The following DNAI3 variants were observed in gnomAD, a reference collection of about 807,000 sequenced individuals.
DNAI3 encodes WD repeat domain 63.
A neutral mutation model predicts 115.5 loss-of-function variants in DNAI3; 83 were observed. The observed-to-expected ratio is 0.72, with a 90% CI of 0.60 to 0.86. The LOEUF is 0.86. DNAI3 is among the 40% of genes least tolerant of loss of function. The probability of loss-of-function intolerance (pLI) is 0.00; values close to 1 mark genes in which losing one functional copy is unlikely to be tolerated. For missense variants in DNAI3, 1,004 were observed against 1,075.8 expected, an observed-to-expected ratio of 0.93 and a Z score of 0.93; for synonymous variants, 320 against 347.0, an observed-to-expected ratio of 0.92 and a Z score of 0.86.
Position 85,126,636 on chromosome 1 carries a change from G to A in DNAI3, c.2238G>A (p.Leu746=). The change falls in exon 20 of 23, where the codon CTG becomes CTA. Residue 746 remains leucine (L), a synonymous_variant. Coordinates refer to ENST00000294664, the MANE Select transcript of DNAI3 (RefSeq NM_145172.5). ...EDGYIDIWDL[L]EKTHEPAQSQ... is the part of the protein sequence containing the mutation. Reference sequence around the variant, plus strand: ...GATACATTGATATCTGGGACCTTCTGGAGAAAACCCATGAACCAGCCCAGT... The same window carrying A: ...GATACATTGATATCTGGGACCTTCTAGAGAAAACCCATGAACCAGCCCAGT... 1.9e-6 allele frequency: 3 copies of A among 1,614,022 alleles called. No individual in the cohort carries two copies. Among genetic ancestry groups the A allele is most frequent in the African/African-American group, 1.3e-5 (1 of 75,000 alleles).
At chr1:85,068,699 A>G (rs1654172600) in intron 1 of DNAI3, among the ~76,000 whole-genome samples, 1 of 152,160 alleles carries the variant, frequency 6.6e-6, no homozygotes, top group Non-Finnish European at 1.5e-5. Flanking sequence ...CTTGTGGTAT[A>G]TTATATAGCT....
Position 85,126,602 on chromosome 1 carries a change from G to T in DNAI3, c.2204G>T (p.Arg735Leu), listed in dbSNP as rs1656148690. ...CGGCCCGGAGTTTTCTACATCGGCCGAGAAGATGGATACATTGATATCTGG... is the reference window on the plus strand; with the variant it reads ...CGGCCCGGAGTTTTCTACATCGGCCTAGAAGATGGATACATTGATATCTGG... ...LTRPGVFYIG[R>L]EDGYIDIWDL... The change falls in exon 20 of 23, where the codon CGA becomes CTA. Residue 735 changes from arginine to leucine, a missense_variant. Around this residue, in one of 3 missense-constraint regions of DNAI3, gnomAD observed 429 missense variants for 454.3 expected, o/e 0.94. Transcript: ENST00000294664. 6.2e-7 allele frequency: 1 copy of T among 1,614,116 alleles called. No individual in the cohort carries two copies.
At chr1:85,068,652 A>G (rs941086879) in intron 1 of DNAI3, among the ~76,000 whole-genome samples, 1 of 152,168 alleles carries the variant, frequency 6.6e-6, no homozygotes, top group African/African-American at 2.4e-5. Context: ...CCTCATTCAG[A>G]GTGAAAGCCA....
chr1:85,096,202 T>C (rs1655118639), intron 11 of DNAI3, among the ~76,000 whole-genome samples, 182 bp downstream of exon 11: 1 of 152,182 alleles, frequency 6.6e-6, no homozygotes, highest in Admixed American at 6.5e-5. Context: ...TATCAGCTCC[T>C]GAGGTGTTCA....
intron 19 of DNAI3, among the ~76,000 whole-genome samples, chr1:85,125,400 C>T (rs1054189473): frequency 9.2e-5 from 14 of 151,946 alleles, no homozygotes; most frequent in Non-Finnish European, 2.1e-4. Context: ...TTTAACCTAA[C>T]AGTTCCACTT....
At chr1:85,099,253 A>C in intron 13 of DNAI3, 2 of 985,422 alleles carry the variant, frequency 2.0e-6, no homozygotes, top group South Asian at 9.4e-5. Flanking sequence ...AGGGCATTAA[A>C]GATCTACTAT....
chr1:85,063,036 G>A (rs1035564365), intron 1 of DNAI3, among the ~76,000 whole-genome samples: 1 of 152,196 alleles, frequency 6.6e-6, no homozygotes, highest in Non-Finnish European at 1.5e-5. Context: ...AGTTTACCCA[G>A]TACCTAATTG....
rs188647274 is a variant in DNAI3 at position 85,074,376 on chromosome 1, T to G, written c.103+1284T>G. 2.0e-5 allele frequency among the ~76,000 whole-genome samples: 3 copies of G among 152,328 alleles called. No homozygotes were observed. In the East Asian group the frequency reaches 5.8e-4, roughly 29 times the overall value. ...CAACTTGCAGTGGTCCTGGCTCCTG[T>G]GCTCAAGTGGTCCTGACCTTGTTTC... On this transcript the variant is annotated intron_variant, in intron 3 of 22. Coordinates refer to ENST00000294664, the MANE Select transcript of DNAI3 (RefSeq NM_145172.5).
At chr1:85,128,297 C>A (rs928867353) in intron 20 of DNAI3, among the ~76,000 whole-genome samples, 2 of 152,126 alleles carry the variant, frequency 1.3e-5, no homozygotes, top group East Asian at 1.9e-4. Context: ...GATGATGGTA[C>A]CCTTTAGCCC....
chr1:85,128,525 GA>G (rs1343472774), intron 20 of DNAI3, among the ~76,000 whole-genome samples, 182 bp from the exon 21 acceptor site: 1 of 152,086 alleles, frequency 6.6e-6, no homozygotes, highest in Non-Finnish European at 1.5e-5. Flanking sequence ...TCATCAGCTG[GA>G]AAAAATGACT....
chr1:85,101,930 T>C (rs1035242413), intron 13 of DNAI3, among the ~76,000 whole-genome samples: 2 of 151,704 alleles, frequency 1.3e-5, no homozygotes, highest in Non-Finnish European at 1.5e-5. Flanking sequence ...CCAGGCATGG[T>C]GGCTCATTCA....
chr1:85,122,839 G>A (rs1029961338), intron 18 of DNAI3, among the ~76,000 whole-genome samples: 1 of 152,206 alleles, frequency 6.6e-6, no homozygotes, highest in African/African-American at 2.4e-5. Context: ...GGTCATGCCT[G>A]GGGCATAGGG....
chr1:85,128,876 A>C (rs1656230880), intron 21 of DNAI3, 77 bp downstream of exon 21: 2 of 1,353,100 alleles, frequency 1.5e-6, no homozygotes, highest in Admixed American at 4.0e-5. Flanking sequence ...AAATGTTAGA[A>C]ATGACAGCAT....
chr1:85,125,381 G>A (rs979051462), intron 19 of DNAI3, among the ~76,000 whole-genome samples: 2 of 151,728 alleles, frequency 1.3e-5, no homozygotes, highest in Non-Finnish European at 2.9e-5. Flanking sequence ...ATATATAAAT[G>A]TATATATATT....
chr1:85,120,222 A>G (rs577192057), intron 17 of DNAI3, among the ~76,000 whole-genome samples: 2 of 152,346 alleles, frequency 1.3e-5, no homozygotes, highest in East Asian at 3.9e-4. Flanking sequence ...GACACAGCTG[A>G]TCCATCTACT....
In DNAI3 at chr1:85,093,630, T is replaced by C. The variant is rs1164392470; in HGVS notation, c.1030T>C (p.Trp344Arg). 4.3e-6 allele frequency: 7 copies of C among 1,614,126 alleles called. No individual in the cohort carries two copies. In the East Asian group the frequency reaches 8.9e-5, roughly 21 times the overall value. Residue 344 changes from tryptophan (W) to arginine (R), a missense_variant, in exon 9 of 23, where the codon TGG becomes CGG. Transcript: ENST00000294664. Reference sequence around the variant, plus strand: ...GGAGAAAATGATTACCTGTGTCTCATGGCATCCAACTATCTATGGTGAGAT... The same window carrying C: ...GGAGAAAATGATTACCTGTGTCTCACGGCATCCAACTATCTATGGTGAGAT... ...PTEKMITCVS[W>R]HPTIYGLIAV...
chr1:85,075,075 G>T (rs947940571), intron 3 of DNAI3, among the ~76,000 whole-genome samples: 1 of 151,522 alleles, frequency 6.6e-6, no homozygotes, highest in Non-Finnish European at 1.5e-5. Context: ...TTCTTTTTTT[G>T]TAGAGATGGG....
intron 1 of DNAI3, among the ~76,000 whole-genome samples, chr1:85,067,689 A>C (rs1190674042): frequency 1.3e-5 from 2 of 152,194 alleles, no homozygotes; most frequent in East Asian, 3.8e-4. Context: ...CAGTGTAGTC[A>C]CAAGGGTCCT....
At chr1:85,092,575 A>C (rs1655009996) in intron 8 of DNAI3, among the ~76,000 whole-genome samples, 1 of 152,186 alleles carries the variant, frequency 6.6e-6, no homozygotes, top group South Asian at 2.1e-4. Context: ...AAAAGGGACA[A>C]TAACTATCAT....
Sources: allele counts gnomAD v4.1 joint callset (sites outside exome capture counted in the v4.1 genomes callset), GRCh38; gene constraint gnomAD v4.1.1; regional missense constraint gnomAD v4.1.1; transcripts MANE v1.5; gene names NCBI Gene and HGNC (gene_info 2026-07-23, HGNC 2026-07-21).